The following PLAT variants were observed in gnomAD, a reference collection of about 807,000 sequenced individuals.
The protein encoded by PLAT is tissue-type plasminogen activator.
In PLAT, 48 loss-of-function variants were observed where a neutral mutation model predicts 74.9. The observed-to-expected ratio is 0.64, with a 90% CI of 0.51 to 0.82. PLAT has a LOEUF of 0.82. Among genes scored for constraint, PLAT ranks in the 40% least tolerant of loss-of-function variants. The probability of loss-of-function intolerance (pLI) is 0.00; values close to 1 mark genes in which losing one functional copy is unlikely to be tolerated. For missense variants in PLAT, 673 were observed against 736.2 expected, an observed-to-expected ratio of 0.91 and a Z score of 0.99; for synonymous variants, 307 against 294.4, an observed-to-expected ratio of 1.04 and a Z score of -0.44.
In PLAT at chr8:42,179,048, G is replaced by A. The variant is rs564988743; in HGVS notation, c.1379C>T (p.Ser460Leu). The change falls in exon 13 of 14, where the codon TCG becomes TTG. Residue 460 changes from serine to leucine, a missense_variant. Ser to Leu is a moderately radical substitution (Grantham distance 145, BLOSUM62 -2). Coordinates refer to ENST00000220809, the MANE Select transcript of PLAT (RefSeq NM_000930.5). ...GKHEALSPFY[S>L]ERLKEAHVRL... ...GACATGAGCCTCCTTCAGCCGCTCC[G>A]AATAGAAAGGAGACACTGAAAGGGG... 28 of 1,611,126 alleles carry A rather than the reference G, an allele frequency of 1.7e-5. No homozygotes were observed. In the South Asian group the frequency reaches 2.3e-4, roughly 13 times the overall value.
rs10667666 is a variant in PLAT at position 42,200,674 on chromosome 8, C to CAAAA, written c.-27+6816_-27+6819dup. On this transcript the variant is annotated intron_variant, in intron 1 of 13. Transcript: ENST00000220809. ...CTTGAGACAGAGCAAGATCCTGTCT[C>CAAAA]AAAAAAAAAAAAAAAAAAAGTATAA... is the stretch of plus-strand genomic sequence containing the variant. 2.6e-4 allele frequency among the ~76,000 whole-genome samples: 27 copies of CAAAA among 103,098 alleles called. 1 individual carries two copies. The highest frequency in any genetic ancestry group is 7.9e-4 in the African/African-American group (20 of 25,224). 67.6% of individuals were successfully genotyped at this position (103,098 alleles called of 152,430 possible). A position where few individuals can be genotyped will look rare whatever the true frequency, so the allele number is the denominator to read the frequency against.
rs750772509 is a variant in PLAT at position 42,175,956 on chromosome 8, G to T, written c.*37C>A. On this transcript the variant is annotated 3_prime_UTR_variant, in exon 14 of 14. Transcript: ENST00000220809. ...AGTGTCTTCTGAAGAAGAAGAGGCG[G>T]GATCTCATTTGCTTTTGAGGAGTCG... is the stretch of plus-strand genomic sequence containing the variant. The T allele has an allele frequency of 6.2e-7, 1 of 1,607,532 alleles. No individual in the cohort carries two copies. Among genetic ancestry groups the T allele is most frequent in the Non-Finnish European group, 8.5e-7 (1 of 1,174,986 alleles).
intron 4 of PLAT, 126 bp downstream of exon 4, chr8:42,188,808 A>G (rs1256438760): frequency 1.3e-6 from 1 of 749,470 alleles, no homozygotes. Flanking sequence ...TTTTTTGTAG[A>G]GACAGGGGAC....
chr8:42,199,732 A>T lies in PLAT; in HGVS notation c.-26-6521T>A, dbSNP rs1331673251. ...AAAACAGAAGAAACCCTGTCCTAAT[A>T]CACTTAGATCCTTCTGAAGCAAACA... On this transcript the variant is annotated intron_variant, in intron 1 of 13. Transcript: ENST00000220809. Among the ~76,000 whole-genome samples, 4 of 152,206 alleles carry T rather than the reference A, an allele frequency of 2.6e-5. No individual in the cohort carries two copies. In the East Asian group the frequency reaches 7.7e-4, roughly 29 times the overall value.
rs773041100 is a variant in PLAT at position 42,180,015 on chromosome 8, A to C, written c.1274T>G (p.Val425Gly). The change falls in exon 12 of 14, where the codon GTG becomes GGG. Residue 425 changes from valine to glycine, a missense_variant. Val to Gly is a moderately radical substitution (Grantham distance 109). Transcript: ENST00000220809. ...DSSRCAQESS[V>G]VRTVCLPPAD... ...CGGGGGAAGGCACACAGTGCGGACC[A>C]CGCTGCTCTCCTGGGCACAGCGGGA... 9.9e-6 allele frequency: 16 copies of C among 1,609,970 alleles called. No homozygotes were observed. The highest frequency in any genetic ancestry group is 1.7e-5 in the Admixed American group (1 of 59,360).
intron 1 of PLAT, among the ~76,000 whole-genome samples, chr8:42,198,448 C>T (rs988729220): frequency 1.1e-4 from 16 of 152,276 alleles, no homozygotes; most frequent in Admixed American, 2.6e-4. Context: ...GCCAAGATTG[C>T]GCTACTGCAG....
chr8:42,199,068 G>A (rs1425174016), intron 1 of PLAT, among the ~76,000 whole-genome samples: 1 of 152,236 alleles, frequency 6.6e-6, no homozygotes, highest in Non-Finnish European at 1.5e-5. Flanking sequence ...CAGGAGCTTT[G>A]AGCCTGGTAG....
At position 42,178,951 on chromosome 8, in the gene PLAT, A is replaced by G. The variant is rs1449037883; in HGVS notation, c.1476T>C (p.Cys492=). ...GCCCGCCGCTCCGAGTGTCTCCAGC[A>G]CACAGCATGTTGTCGGTGACTGTTC... ...LNRTVTDNML[C]AGDTRSGGPQ... The change falls in exon 13 of 14, where the codon TGT becomes TGC. Residue 492 remains cysteine, a synonymous_variant. Transcript: ENST00000220809. 4 of 1,614,152 alleles carry G rather than the reference A, an allele frequency of 2.5e-6. No homozygotes were observed. Among genetic ancestry groups the G allele is most frequent in the Non-Finnish European group, 3.4e-6 (4 of 1,180,030 alleles).
At chr8:42,191,536 C>T (rs1255996437) in intron 2 of PLAT, 122 bp from the exon 3 acceptor site, 8 of 802,470 alleles carry the variant, frequency 1.0e-5, no homozygotes, top group East Asian at 5.2e-5. Flanking sequence ...GAGACCCCCT[C>T]GGGTAACTGG....
intron 1 of PLAT, among the ~76,000 whole-genome samples, chr8:42,204,743 G>C (rs1218408890): frequency 6.7e-6 from 1 of 149,734 alleles, no homozygotes; most frequent in East Asian, 2.0e-4. Flanking sequence ...AGAAAAATTG[G>C]CCGGGCATGG....
In PLAT at chr8:42,205,193, G is replaced by A. The variant is rs562398668; in HGVS notation, c.-27+2301C>T. Among the ~76,000 whole-genome samples the A allele has an allele frequency of 3.5e-4, 53 of 152,268 alleles. 1 individual carries two copies. In the South Asian group the frequency reaches 5.8e-3, roughly 17 times the overall value. On this transcript the variant is annotated intron_variant, in intron 1 of 13. Coordinates refer to ENST00000220809, the MANE Select transcript of PLAT (RefSeq NM_000930.5). ...ATCCCTCTGCTCACCTGAGACAAAC[G>A]CATATCTGATTGCTTCCTCTGCCCT...
At chr8:42,180,992 TGAA>T (rs1387190912) in intron 9 of PLAT, among the ~76,000 whole-genome samples, 1 of 152,232 alleles carries the variant, frequency 6.6e-6, no homozygotes, top group Non-Finnish European at 1.5e-5. Context: ...GCCTAAGAAA[TGAA>T]GAATTGCAGC....
At position 42,187,435 on chromosome 8, in the gene PLAT, C is replaced by T. The variant is rs1805523947; in HGVS notation, c.502G>A (p.Ala168Thr). ...QKPYSGRRPDAIRLGLGNHNY... is the reference protein window; with the variant it reads ...QKPYSGRRPDTIRLGLGNHNY... The stretch of plus-strand genomic sequence containing the variant: ...TGGTTCCCCAGGCCCAGCCTGATGG[C>T]GTCTGGCCTCCGCCCGCTGTAGGGC... The change falls in exon 6 of 14, where the codon GCC (alanine) becomes ACC (threonine). Residue 168 changes from alanine to threonine, a missense_variant. Transcript: ENST00000220809. 1.9e-6 allele frequency: 3 copies of T among 1,599,524 alleles called. No homozygotes were observed. Among genetic ancestry groups the T allele is most frequent in the Non-Finnish European group, 1.7e-6 (2 of 1,177,598 alleles).
intron 13 of PLAT, among the ~76,000 whole-genome samples, chr8:42,177,655 T>C (rs1331638470): frequency 3.3e-5 from 5 of 152,368 alleles, no homozygotes; most frequent in Non-Finnish European, 7.3e-5. Flanking sequence ...TTGGTAATTG[T>C]TAGCTGTTCT....
chr8:42,189,196 T>C (rs1805596991), intron 3 of PLAT, 125 bp from the exon 4 acceptor site: 1 of 893,886 alleles, frequency 1.1e-6, no homozygotes, highest in East Asian at 2.5e-5. Flanking sequence ...ACTCCCTTAT[T>C]GAAGAGACAC....
intron 3 of PLAT, among the ~76,000 whole-genome samples, chr8:42,190,997 T>C (rs1039634903): frequency 6.6e-6 from 1 of 152,192 alleles, no homozygotes; most frequent in Non-Finnish European, 1.5e-5. Context: ...GCCCTGGCCG[T>C]GCTGCTGGCG....
intron 6 of PLAT, chr8:42,186,865 TATC>T (rs1479758256): frequency 2.2e-5 from 3 of 138,578 alleles, no homozygotes; most frequent in African/African-American, 5.3e-5. Flanking sequence ...ACCTATCATC[TATC>T]ATCTATCATC....
At position 42,175,364 on chromosome 8, in the gene PLAT, TTC is replaced by T. The variant is rs1804924675; in HGVS notation, c.*627_*628del. 6.6e-6 allele frequency: 1 copy of T among 152,262 alleles called. No individual in the cohort carries two copies. The highest frequency in any genetic ancestry group is 2.4e-5 in the African/African-American group (1 of 41,450). The allele number at this position is 152,262 out of a possible 1,614,324, so 9.4% of individuals were successfully genotyped here. Reference sequence around the variant, plus strand: ...AAGCCTAGTTGTTCAAATGATACAATTCTCTCATGCTACTCTAAAGTTTATAA... The same window carrying T: ...AAGCCTAGTTGTTCAAATGATACAATTCTCATGCTACTCTAAAGTTTATAA... On this transcript the variant is annotated 3_prime_UTR_variant, in exon 14 of 14. Transcript: ENST00000220809.
chr8:42,205,683 G>A (rs918303761), intron 1 of PLAT, among the ~76,000 whole-genome samples: 4 of 152,126 alleles, frequency 2.6e-5, no homozygotes, highest in African/African-American at 4.8e-5. Context: ...CCCCTACTTC[G>A]AGTTGTCCTG....
Sources: gnomAD v4.1 joint callset for allele counts (sites outside exome capture counted in the v4.1 genomes callset) on GRCh38, gnomAD v4.1.1 for gene constraint, MANE v1.5 for transcripts, NCBI Gene and HGNC (gene_info 2026-07-23, HGNC 2026-07-21) for gene names.